ASAP2: variants seen among roughly 807,000 people sequenced by gnomAD.
The protein encoded by ASAP2 is ArfGAP with SH3 domain, ankyrin repeat and PH domain 2, also known as arf-GAP with SH3 domain, ANK repeat and PH domain-containing protein 2.
Under a neutral mutation model 131.4 loss-of-function variants are expected in ASAP2, and 45 were observed. The observed-to-expected ratio is 0.34, with a 90% confidence interval of 0.27 to 0.44. The LOEUF (loss-of-function observed/expected upper bound fraction) is 0.44, where lower values mean the gene tolerates loss of function less well. Among genes scored for constraint, ASAP2 ranks in the 20% least tolerant of loss-of-function variants. The pLI is 1.00. For missense variants in ASAP2, 1,011 were observed against 1,297.0 expected (o/e 0.78, Z 3.39); for synonymous variants, 510 against 503.0 (o/e 1.01, Z -0.19).
At chr2:9,324,008 C>T (rs1378897716) in intron 6 of ASAP2, among the ~76,000 whole-genome samples, 6 of 152,222 alleles carry the variant, frequency 3.9e-5, no homozygotes, top group African/African-American at 1.4e-4. Context: ...GCAGTGCCAG[C>T]GAAGCTCCCT....
At chr2:9,242,643 A>G (rs1056166593) in intron 1 of ASAP2, among the ~76,000 whole-genome samples, 9 of 152,200 alleles carry the variant, frequency 5.9e-5, no homozygotes, top group Non-Finnish European at 1.3e-4. Context: ...AAAGGAACGC[A>G]GTCCAGAGGC....
intron 2 of ASAP2, among the ~76,000 whole-genome samples, chr2:9,288,183 C>T (rs777645056): frequency 2.0e-5 from 3 of 152,134 alleles, no homozygotes; most frequent in East Asian, 3.9e-4. Flanking sequence ...TAAACCTGTC[C>T]GCAAACCCAA....
At chr2:9,282,043 A>G (rs188055268) in intron 2 of ASAP2, among the ~76,000 whole-genome samples, 1 of 152,294 alleles carries the variant, frequency 6.6e-6, no homozygotes, top group Admixed American at 6.5e-5. Context: ...AGCATTTGCC[A>G]CTTTATGAAA....
chr2:9,302,689 G>C (rs1668577242), intron 3 of ASAP2, among the ~76,000 whole-genome samples: 1 of 152,076 alleles, frequency 6.6e-6, no homozygotes, highest in African/African-American at 2.4e-5. Flanking sequence ...TGGCCAGGCT[G>C]GTCTCGAACT....
In ASAP2 at chr2:9,232,687, T is replaced by C. The variant is rs1232077501; in HGVS notation, c.126+25457T>C. Among the ~76,000 whole-genome samples, 1 of 152,192 alleles carries C rather than the reference T, an allele frequency of 6.6e-6. No homozygotes were observed. Among genetic ancestry groups the C allele is most frequent in the East Asian group, 1.9e-4 (1 of 5,202 alleles). ...ACACATCATATATGTTTAATATGTG[T>C]TTGTTGAATGAATAAAACTGACAGG... On this transcript the variant is annotated intron_variant, in intron 1 of 27. Transcript: ENST00000281419. The surrounding 1 kb of genome is among the most constrained non-coding windows in gnomAD (Gnocchi z 4.1).
intron 16 of ASAP2, among the ~76,000 whole-genome samples, chr2:9,372,809 C>T (rs1674081615): frequency 6.6e-6 from 1 of 152,020 alleles, no homozygotes; most frequent in South Asian, 2.1e-4. Flanking sequence ...GTCACACCCA[C>T]GTCCACACTC....
chr2:9,250,020 A>G (rs887810106), intron 1 of ASAP2, among the ~76,000 whole-genome samples: 11 of 152,092 alleles, frequency 7.2e-5, no homozygotes, highest in African/African-American at 2.2e-4. Flanking sequence ...CCTTCTTTCC[A>G]TTTTCTTACT....
At chr2:9,306,036 G>A (rs1309244523) in intron 3 of ASAP2, among the ~76,000 whole-genome samples, 1 of 149,170 alleles carries the variant, frequency 6.7e-6, no homozygotes, top group East Asian at 2.0e-4. Flanking sequence ...GGGATGGAGG[G>A]GCTGTGGGAG....
intron 2 of ASAP2, 64 bp downstream of exon 2, chr2:9,279,453 C>G: frequency 1.4e-6 from 2 of 1,476,474 alleles, no homozygotes; most frequent in Non-Finnish European, 1.9e-6. Context: ...GTCCTGGTAC[C>G]GTAATATTGA....
At chr2:9,276,729 A>G (rs1423180383) in intron 1 of ASAP2, among the ~76,000 whole-genome samples, 1 of 152,032 alleles carries the variant, frequency 6.6e-6, no homozygotes, top group Non-Finnish European at 1.5e-5. Context: ...TAGTAGAGAC[A>G]GGGTTTCACC....
chr2:9,247,376 G>A (rs1664410902), intron 1 of ASAP2, among the ~76,000 whole-genome samples: 1 of 152,182 alleles, frequency 6.6e-6, no homozygotes, highest in African/African-American at 2.4e-5. Flanking sequence ...ACGGTCCCCG[G>A]TCCTCATTTG....
chr2:9,402,783 C>T (rs1676852073), intron 27 of ASAP2, among the ~76,000 whole-genome samples: 1 of 152,224 alleles, frequency 6.6e-6, no homozygotes, highest in East Asian at 1.9e-4. Flanking sequence ...ATTTATGTAT[C>T]TACCCAAGAG....
chr2:9,281,344 C>T lies in ASAP2; in HGVS notation c.199+1955C>T, dbSNP rs1341124185. Among the ~76,000 whole-genome samples, 1 of 152,144 alleles carries T rather than the reference C, an allele frequency of 6.6e-6. No homozygotes were observed. The highest frequency in any genetic ancestry group is 2.4e-5 in the African/African-American group (1 of 41,436). On this transcript the variant is annotated intron_variant, in intron 2 of 27. Coordinates refer to ENST00000281419, the MANE Select transcript of ASAP2 (RefSeq NM_003887.3). This position sits in a 1 kb window ranked among gnomAD's most constrained non-coding sequence, Gnocchi z 4.0. ...TCTGGAGGAGAGACTTGTGTGACTC[C>T]CAAGGCTGGCCCAGTGGCTGGCAGT... is the stretch of plus-strand genomic sequence containing the variant.
chr2:9,300,645 T>G (rs1475072066), intron 3 of ASAP2, among the ~76,000 whole-genome samples: 1 of 152,226 alleles, frequency 6.6e-6, no homozygotes, highest in East Asian at 1.9e-4. Flanking sequence ...GTTTCATTTA[T>G]TCCTCTTGGC....
At chr2:9,306,891 G>T (rs1668977599) in intron 3 of ASAP2, among the ~76,000 whole-genome samples, 1 of 151,976 alleles carries the variant, frequency 6.6e-6, no homozygotes, top group South Asian at 2.1e-4. Flanking sequence ...GCCCTGGCCG[G>T]ACATCCACAG....
intron 11 of ASAP2, among the ~76,000 whole-genome samples, chr2:9,347,464 T>G (rs1240879402): frequency 6.6e-6 from 1 of 152,198 alleles, no homozygotes; most frequent in Non-Finnish European, 1.5e-5. Context: ...AAGACTTGAT[T>G]AAGTGGAAGT....
chr2:9,325,265 G>C (rs1670407652), intron 6 of ASAP2, among the ~76,000 whole-genome samples: 1 of 152,192 alleles, frequency 6.6e-6, no homozygotes, highest in Admixed American at 6.5e-5. Context: ...CTACCTCATA[G>C]AGTGGCAGAG....
rs373665346 is a variant in ASAP2 at position 9,243,234 on chromosome 2, A to G, written c.126+36004A>G. On this transcript the variant is annotated intron_variant, in intron 1 of 27. Coordinates refer to ENST00000281419, the MANE Select transcript of ASAP2 (RefSeq NM_003887.3). ...CGCCATTCTCCTGCCTCAGCCTCCC[A>G]AGTAGCTGGGACTACAGGCACCCGC... Among the ~76,000 whole-genome samples, 629 of 152,060 alleles carry G rather than the reference A, an allele frequency of 4.1e-3. 7 individuals carry two copies. Among genetic ancestry groups the G allele is most frequent in the African/African-American group, 0.014 (596 of 41,498 alleles).
At chr2:9,326,975 T>C (rs1352782979) in intron 6 of ASAP2, among the ~76,000 whole-genome samples, 1 of 152,212 alleles carries the variant, frequency 6.6e-6, no homozygotes. Flanking sequence ...CATTACCAAA[T>C]ATTTAATATC....
Sources: gnomAD v4.1 joint callset for allele counts (sites outside exome capture counted in the v4.1 genomes callset) on GRCh38, gnomAD v4.1.1 for gene constraint, Gnocchi (gnomAD v3.1) non-coding constraint, MANE v1.5 for transcripts, NCBI Gene and HGNC (gene_info 2026-07-23, HGNC 2026-07-21) for gene names.